Variants in ATE1 observed in about 807,000 individuals in gnomAD.
The protein encoded by ATE1 is arginyl-tRNA--protein transferase 1.
A neutral mutation model predicts 70.5 loss-of-function variants in ATE1; 36 were observed. That is an observed-to-expected ratio of 0.51 (90% confidence interval 0.39 to 0.67). ATE1 has a LOEUF of 0.67. Ranked by LOEUF, ATE1 falls within the 30% of genes least tolerant of loss-of-function variation. The pLI is 0.00. For synonymous variants in ATE1, 232 were observed against 219.3 expected, an observed-to-expected ratio of 1.06 and a Z score of -0.51; for missense variants, 593 against 629.5, an observed-to-expected ratio of 0.94 and a Z score of 0.62.
At chr10:121,853,313 G>A (rs971537245) in intron 8 of ATE1, among the ~76,000 whole-genome samples, 1 of 140,902 alleles carries the variant, frequency 7.1e-6, no homozygotes, top group African/African-American at 2.6e-5. Flanking sequence ...GCAGTGAGCA[G>A]AGATCATGCC....
chr10:121,896,544 C>T (rs12359820), intron 7 of ATE1, among the ~76,000 whole-genome samples: 6,833 of 151,676 alleles, frequency 0.045, 209 homozygotes, highest in Admixed American at 0.078. Context: ...CACAGTAGTC[C>T]ACACCTGTAA....
intron 11 of ATE1, among the ~76,000 whole-genome samples, chr10:121,783,100 T>C (rs1477740460): frequency 6.6e-6 from 1 of 152,216 alleles, no homozygotes; most frequent in African/African-American, 2.4e-5. Context: ...TTTACACTCC[T>C]CTCAGCTCAT....
intron 11 of ATE1, among the ~76,000 whole-genome samples, chr10:121,745,726 C>CA (rs71482671): frequency 1.3e-3 from 81 of 62,366 alleles, no homozygotes; most frequent in African/African-American, 2.6e-3. Context: ...GACTCTGTCT[C>CA]AAAACAAACA....
intron 7 of ATE1, among the ~76,000 whole-genome samples, chr10:121,874,727 C>T (rs1288214487): frequency 1.3e-5 from 2 of 152,136 alleles, no homozygotes; most frequent in Non-Finnish European, 2.9e-5. Flanking sequence ...ACAACAAGGC[C>T]GGGTGCAGTG....
At chr10:121,825,436 G>C (rs531656277) in intron 10 of ATE1, among the ~76,000 whole-genome samples, 83 of 152,290 alleles carry the variant, frequency 5.5e-4, no homozygotes, top group Admixed American at 1.0e-3. Context: ...TTCACACTCT[G>C]CAGGACCCTG....
intron 8 of ATE1, among the ~76,000 whole-genome samples, chr10:121,867,253 C>T (rs917225154): frequency 1.3e-5 from 2 of 152,080 alleles, no homozygotes; most frequent in African/African-American, 2.4e-5. Flanking sequence ...ATTTGAGAGA[C>T]GTCAACTGTT....
In ATE1 at chr10:121,741,733, G is replaced by GA. The variant is rs1168392257; in HGVS notation, c.*1946dup. ...ACTACACTTTCTGAAGCCTTATTTT[G>GA]AAATTTATTTCACATTTCAGACATG... On this transcript the variant is annotated 3_prime_UTR_variant, in exon 12 of 12. Coordinates refer to ENST00000224652, the MANE Select transcript of ATE1 (RefSeq NM_001001976.3). 2 of 152,032 alleles carry GA rather than the reference G, an allele frequency of 1.3e-5. No individual in the cohort carries two copies. Among genetic ancestry groups the GA allele is most frequent in the Non-Finnish European group, 2.9e-5 (2 of 67,990 alleles). 9.4% of individuals were successfully genotyped at this position (152,032 alleles called of 1,614,324 possible). A position where few individuals can be genotyped will look rare whatever the true frequency, so the allele number is the denominator to read the frequency against.
At chr10:121,927,218 G>A in intron 1 of ATE1, 17 of 985,290 alleles carry the variant, frequency 1.7e-5, no homozygotes, top group Non-Finnish European at 2.0e-5. Flanking sequence ...GCTGTCGTCC[G>A]GGTGGGTGGA....
rs754297760 is a variant in ATE1, at chr10:121,790,164, C to T, written c.1378+5G>A. The T allele has an allele frequency of 1.2e-6, 2 of 1,613,878 alleles. No individual in the cohort carries two copies. The highest frequency in any genetic ancestry group is 1.7e-5 in the Admixed American group (1 of 60,000). On this transcript the variant is annotated splice_donor_5th_base_variant and intron_variant, in intron 11 of 11. Coordinates refer to ENST00000224652, the MANE Select transcript of ATE1 (RefSeq NM_001001976.3). ...ATTTCCAGCTGAGCTCAGCTCCAAA[C>T]ATACCTGCTTCTGGGTCCTGGTTGA... is the stretch of plus-strand genomic sequence containing the variant.
At chr10:121,748,467 C>T (rs1255478474) in intron 11 of ATE1, among the ~76,000 whole-genome samples, 1 of 152,104 alleles carries the variant, frequency 6.6e-6, no homozygotes, top group African/African-American at 2.4e-5. Context: ...TAAAATTACA[C>T]ACTGTCATAT....
At chr10:121,761,505 A>G (rs1945038237) in intron 11 of ATE1, among the ~76,000 whole-genome samples, 1 of 152,204 alleles carries the variant, frequency 6.6e-6, no homozygotes, top group Non-Finnish European at 1.5e-5. Context: ...CACTTAATAG[A>G]CTACAGCATA....
chr10:121,749,183 G>A (rs966033737), intron 11 of ATE1, among the ~76,000 whole-genome samples: 2 of 152,016 alleles, frequency 1.3e-5, no homozygotes, highest in Non-Finnish European at 2.9e-5. Flanking sequence ...TGTTCATAAT[G>A]CCCAATACAC....
intron 3 of ATE1, among the ~76,000 whole-genome samples, chr10:121,914,195 T>G (rs1202516981): frequency 1.3e-5 from 2 of 151,942 alleles, no homozygotes; most frequent in African/African-American, 2.4e-5. Context: ...GCCTCCTGAG[T>G]AGCTGGGATT....
chr10:121,811,296 G>C (rs1238725171), intron 10 of ATE1, among the ~76,000 whole-genome samples: 1 of 151,882 alleles, frequency 6.6e-6, no homozygotes, highest in Non-Finnish European at 1.5e-5. Context: ...GGGGAGAAAA[G>C]AGGGAGAAAA....
chr10:121,806,896 A>T (rs1475613173), intron 10 of ATE1, among the ~76,000 whole-genome samples: 1 of 152,210 alleles, frequency 6.6e-6, no homozygotes, highest in African/African-American at 2.4e-5. Context: ...TAGGAGAAAA[A>T]GTCAGATTCA....
At chr10:121,799,183 G>C (rs1031144805) in intron 10 of ATE1, among the ~76,000 whole-genome samples, 3 of 152,132 alleles carry the variant, frequency 2.0e-5, no homozygotes, top group Admixed American at 6.6e-5. Flanking sequence ...TTCTCTGCTG[G>C]GGAAGAGGAG....
chr10:121,749,077 A>C (rs1332790513), intron 11 of ATE1, among the ~76,000 whole-genome samples: 1 of 152,198 alleles, frequency 6.6e-6, no homozygotes, highest in African/African-American at 2.4e-5. Context: ...CTTTGACTAT[A>C]AAAATGGCAC....
chr10:121,902,532 G>A lies in ATE1; in HGVS notation c.672C>T (p.Asn224=). 6.2e-7 allele frequency: 1 copy of A among 1,614,194 alleles called. No individual in the cohort carries two copies. Among genetic ancestry groups the A allele is most frequent in the Non-Finnish European group, 8.5e-7 (1 of 1,180,026 alleles). The change falls in exon 6 of 12, where the codon AAC becomes AAT. Residue 224 remains asparagine (N), a synonymous_variant. Coordinates refer to ENST00000224652, the MANE Select transcript of ATE1 (RefSeq NM_001001976.3). ...ERKRLKLMQQ[N]PAGELEGFQA... The stretch of plus-strand genomic sequence containing the variant: ...GGAAACCCTCAAGTTCTCCAGCTGG[G>A]TTCTGCTGCATTAGTTTTAACCTTT...
chr10:121,753,712 A>G (rs1387756815), intron 11 of ATE1, among the ~76,000 whole-genome samples: 1 of 152,240 alleles, frequency 6.6e-6, no homozygotes, highest in Non-Finnish European at 1.5e-5. Context: ...TTTGACCCCT[A>G]AATACTCATC....
Sources: gnomAD v4.1 joint callset for allele counts (sites outside exome capture counted in the v4.1 genomes callset) on GRCh38, gnomAD v4.1.1 for gene constraint, MANE v1.5 for transcripts, NCBI Gene and HGNC (gene_info 2026-07-23, HGNC 2026-07-21) for gene names.